The following DEPDC5 variants were observed in gnomAD, a reference collection of about 807,000 sequenced individuals.
DEPDC5 encodes DEP domain containing 5, GATOR1 subcomplex subunit.
DEPDC5 carries 73 observed loss-of-function variants against 217.3 expected under a neutral mutation model. That is an observed-to-expected ratio of 0.34 (90% CI 0.28 to 0.41). The LOEUF is 0.41. Among genes scored for constraint, DEPDC5 ranks in the 10% least tolerant of loss-of-function variants. DEPDC5 has a pLI of 1.00. For synonymous variants in DEPDC5, 733 were observed against 756.7 expected (o/e 0.97, Z 0.51); for missense variants, 1,675 against 2,070.1 (o/e 0.81, Z 3.70).
chr22:31,836,911 C>A, intron 25 of DEPDC5, 61 bp from the exon 26 acceptor site: 2 of 1,478,150 alleles, frequency 1.4e-6, no homozygotes, highest in Non-Finnish European at 1.9e-6. Flanking sequence ...CTCCCCTGGC[C>A]CCCCATCCCA....
chr22:31,903,830 A>G (rs947002127), intron 41 of DEPDC5, among the ~76,000 whole-genome samples: 1 of 151,016 alleles, frequency 6.6e-6, no homozygotes, highest in Admixed American at 6.6e-5. Flanking sequence ...CTTTCTTTCA[A>G]AACACTCTGA....
chr22:31,797,928 C>CT (rs534957552), intron 13 of DEPDC5, among the ~76,000 whole-genome samples: 250 of 140,588 alleles, frequency 1.8e-3, no homozygotes, highest in South Asian at 4.1e-3. Flanking sequence ...AGATGCCTTC[C>CT]TTTTTTTTTT....
At chr22:31,783,614 G>A (rs745660074) in intron 8 of DEPDC5, among the ~76,000 whole-genome samples, 2 of 152,162 alleles carry the variant, frequency 1.3e-5, no homozygotes, top group Non-Finnish European at 2.9e-5. Context: ...GCTGCAGTGA[G>A]CTGTGATTGT....
At chr22:31,832,540 G>C (rs2090685156) in intron 24 of DEPDC5, among the ~76,000 whole-genome samples, 1 of 151,684 alleles carries the variant, frequency 6.6e-6, no homozygotes, top group Non-Finnish European at 1.5e-5. Context: ...ACCCAGGCAG[G>C]AGTGCAGTGG....
intron 14 of DEPDC5, 148 bp downstream of exon 14, chr22:31,798,804 C>A: frequency 9.0e-6 from 6 of 665,848 alleles, no homozygotes; most frequent in Non-Finnish European, 1.2e-5. Flanking sequence ...AAAGTGAAAG[C>A]AAGTATATTA....
At chr22:31,758,974 C>T (rs1216794206) in intron 3 of DEPDC5, among the ~76,000 whole-genome samples, 3 of 151,746 alleles carry the variant, frequency 2.0e-5, no homozygotes, top group African/African-American at 7.3e-5. Flanking sequence ...GTAATCTCAG[C>T]TCACTGCAAC....
At chr22:31,861,564 C>T in intron 33 of DEPDC5, 131 bp downstream of exon 33, 1 of 932,538 alleles carries the variant, frequency 1.1e-6, no homozygotes. Flanking sequence ...TGAATTTGGT[C>T]TCAGAATTGT....
At chr22:31,861,604 G>A (rs2092515367) in intron 33 of DEPDC5, among the ~76,000 whole-genome samples, 171 bp downstream of exon 33, 1 of 152,320 alleles carries the variant, frequency 6.6e-6, no homozygotes, top group Non-Finnish European at 1.5e-5. Context: ...TTGTGGCGGC[G>A]AAGGGGGGGA....
intron 18 of DEPDC5, 139 bp downstream of exon 18, chr22:31,806,330 A>G: frequency 1.4e-6 from 1 of 697,988 alleles, no homozygotes; most frequent in Non-Finnish European, 2.4e-6. Context: ...CCCAGCCAAG[A>G]AGGTAGATTT....
chr22:31,775,800 G>A (rs1270094971), intron 7 of DEPDC5, among the ~76,000 whole-genome samples: 1 of 152,028 alleles, frequency 6.6e-6, no homozygotes, highest in Non-Finnish European at 1.5e-5. Context: ...CCAGCAGTTT[G>A]GGAGGCCAAG....
intron 2 of DEPDC5, among the ~76,000 whole-genome samples, chr22:31,756,725 A>T (rs553037477): frequency 6.6e-6 from 1 of 152,198 alleles, no homozygotes; most frequent in African/African-American, 2.4e-5. Context: ...GTTCAGGACC[A>T]GCCTGGCCAA....
At chr22:31,881,324 G>C (rs1044538692) in intron 38 of DEPDC5, among the ~76,000 whole-genome samples, 1 of 151,200 alleles carries the variant, frequency 6.6e-6, no homozygotes, top group Non-Finnish European at 1.5e-5. Flanking sequence ...CAGATCCTCA[G>C]ATTCACTTGG....
intron 31 of DEPDC5, among the ~76,000 whole-genome samples, chr22:31,854,636 A>G (rs1205732065): frequency 6.6e-6 from 1 of 152,224 alleles, no homozygotes; most frequent in African/African-American, 2.4e-5. Flanking sequence ...ACATCATAAG[A>G]GAGAGGCAGC....
intron 24 of DEPDC5, 183 bp downstream of exon 24, chr22:31,822,973 A>G (rs2148831983): frequency 1.7e-6 from 1 of 581,586 alleles, no homozygotes; most frequent in South Asian, 2.0e-5. Context: ...GCACGTTAAC[A>G]TTTTTAGCTC....
intron 38 of DEPDC5, among the ~76,000 whole-genome samples, chr22:31,890,701 TC>T (rs1175287719): frequency 6.8e-6 from 1 of 147,114 alleles, no homozygotes; most frequent in African/African-American, 2.5e-5. Context: ...AAAGTGAGAT[TC>T]TGTCTCAAAA....
chr22:31,870,343 G>C (rs1388663044), intron 33 of DEPDC5, among the ~76,000 whole-genome samples: 1 of 152,174 alleles, frequency 6.6e-6, no homozygotes, highest in Non-Finnish European at 1.5e-5. Context: ...CCTGGTTGGA[G>C]GGTGGGAGTT....
At chr22:31,820,709 C>A (rs2089610489) in intron 22 of DEPDC5, among the ~76,000 whole-genome samples, 1 of 152,150 alleles carries the variant, frequency 6.6e-6, no homozygotes. Flanking sequence ...TCTTTTCATG[C>A]TTCTGTGCTT....
chr22:31,847,959 A>T (rs1236470425), intron 31 of DEPDC5, among the ~76,000 whole-genome samples: 1 of 152,228 alleles, frequency 6.6e-6, no homozygotes, highest in African/African-American at 2.4e-5. Context: ...ATGGGCATTG[A>T]GTAAATACAC....
chr22:31,861,784 A>AT (rs201062812), intron 33 of DEPDC5, among the ~76,000 whole-genome samples: 4 of 152,056 alleles, frequency 2.6e-5, no homozygotes, highest in South Asian at 4.1e-4. Context: ...CTGAACACTT[A>AT]TTTTTTTCCC....
Sources: allele counts gnomAD v4.1 joint callset (sites outside exome capture counted in the v4.1 genomes callset), GRCh38; gene constraint gnomAD v4.1.1; transcripts MANE v1.5; gene names NCBI Gene and HGNC (gene_info 2026-07-23, HGNC 2026-07-21).